FOXP2: variants seen among roughly 807,000 people sequenced by gnomAD.
The protein encoded by FOXP2 is forkhead box protein P2.
FOXP2 carries 12 observed loss-of-function variants against 115.8 expected under a neutral mutation model. The ratio of observed to expected loss-of-function variants is 0.10; its 90% CI spans 0.07 to 0.17. The LOEUF (loss-of-function observed/expected upper bound fraction) is 0.17. Among genes scored for constraint, FOXP2 ranks in the 10% least tolerant of loss-of-function variants. FOXP2 has a pLI of 1.00. For missense variants in FOXP2, 629 were observed against 843.5 expected, an observed-to-expected ratio of 0.75 and a Z score of 3.15; for synonymous variants, 328 against 297.7, an observed-to-expected ratio of 1.10 and a Z score of -1.05.
rs894967619 is a variant in FOXP2 at position 114,277,857 on chromosome 7, A to C, written c.-101-10162A>C. Among the ~76,000 whole-genome samples, 5 of 151,848 alleles carry C rather than the reference A, an allele frequency of 3.3e-5. No individual in the cohort carries two copies. In the East Asian group the frequency reaches 9.7e-4, roughly 29 times the overall value. On this transcript the variant is annotated intron_variant, in intron 1 of 17. Transcript: ENST00000634411. ...TGGTGAAACCCCGTCTCTACTAAAA[A>C]TAAAAATAAATAAATAAAAAATTAG...
chr7:114,681,392 T>TCATA (rs1247113632), intron 16 of FOXP2, among the ~76,000 whole-genome samples: 3 of 152,190 alleles, frequency 2.0e-5, no homozygotes, highest in African/African-American at 7.2e-5. Context: ...CATTATTTAG[T>TCATA]CATATTAAGT....
At chr7:114,187,429 T>G (rs1022935262) in intron 1 of FOXP2, among the ~76,000 whole-genome samples, 26 of 152,334 alleles carry the variant, frequency 1.7e-4, no homozygotes, top group African/African-American at 6.0e-4. Context: ...CAAGGATAGA[T>G]CTGTCTCAGA....
intron 1 of FOXP2, among the ~76,000 whole-genome samples, chr7:114,254,194 T>A (rs1795535160): frequency 1.3e-5 from 2 of 152,224 alleles, no homozygotes; most frequent in South Asian, 4.1e-4. Flanking sequence ...CCTTTGTGGG[T>A]AACCCGACCT....
intron 2 of FOXP2, among the ~76,000 whole-genome samples, chr7:114,495,483 C>CTCTTTTTTTTTTTTTTTTTTT (rs776653007): frequency 4.9e-5 from 3 of 61,446 alleles, no homozygotes; most frequent in African/African-American, 6.9e-5. Context: ...TTCTCTCTCT[C>CTCTTTTTTTTTTTTTTTTTTT]TTTTTTTTTT....
chr7:114,309,417 G>A (rs1467121759), intron 2 of FOXP2, among the ~76,000 whole-genome samples: 1 of 152,208 alleles, frequency 6.6e-6, no homozygotes, highest in African/African-American at 2.4e-5. Flanking sequence ...TGCAGTGGTA[G>A]CTTCTGCATC....
At chr7:114,410,788 T>C (rs1296855829), upstream of FOXP2, among the ~76,000 whole-genome samples, 1 of 152,046 alleles carries the variant, frequency 6.6e-6, no homozygotes, top group Non-Finnish European at 1.5e-5. Context: ...CTTGCATCTC[T>C]CAACTATTCT....
intron 1 of FOXP2, among the ~76,000 whole-genome samples, chr7:114,166,471 G>A (rs534121973): frequency 2.6e-5 from 4 of 152,208 alleles, no homozygotes; most frequent in East Asian, 3.9e-4. Flanking sequence ...TGGGAGTTCC[G>A]ACGTGGGCAG....
intron 1 of FOXP2, among the ~76,000 whole-genome samples, chr7:114,275,457 T>C (rs944650301): frequency 1.3e-5 from 2 of 152,232 alleles, no homozygotes; most frequent in African/African-American, 4.8e-5. Flanking sequence ...AGTTGTGTCC[T>C]GTCTACTAGT....
intron 1 of FOXP2, among the ~76,000 whole-genome samples, chr7:114,269,184 G>C (rs1399829773): frequency 6.6e-6 from 1 of 152,096 alleles, no homozygotes; most frequent in African/African-American, 2.4e-5. Context: ...TCCTCATGAA[G>C]GTATATAGCA....
intron 2 of FOXP2, among the ~76,000 whole-genome samples, chr7:114,331,660 CT>C (rs112494928): frequency 0.068 from 9,729 of 142,926 alleles, 325 homozygotes; most frequent in Middle Eastern, 0.16. Context: ...CTGACATTTT[CT>C]TTTTTTTTTT....
At chr7:114,163,538 C>T (rs896757951) in intron 1 of FOXP2, among the ~76,000 whole-genome samples, 6 of 151,972 alleles carry the variant, frequency 3.9e-5, no homozygotes, top group South Asian at 2.1e-4. Context: ...TTATTCACTC[C>T]GTGTGGTGAA....
rs1366495832 is a variant in FOXP2, at chr7:114,271,863, CATT to C, written c.-101-16153_-101-16151del. On this transcript the variant is annotated intron_variant, in intron 1 of 17. Transcript: ENST00000634411. ...AAATATTATTAAATAATTATTAAAA[CATT>C]ATAATATGATTATTAATTATAAACA... 2.0e-4 allele frequency among the ~76,000 whole-genome samples: 24 copies of C among 120,012 alleles called. No individual in the cohort carries two copies. In the South Asian group the frequency reaches 2.4e-3, roughly 12 times the overall value. 78.7% of individuals were successfully genotyped at this position (120,012 alleles called of 152,430 possible).
chr7:114,236,768 G>A (rs916527292), intron 1 of FOXP2, among the ~76,000 whole-genome samples: 1 of 152,176 alleles, frequency 6.6e-6, no homozygotes, highest in South Asian at 2.1e-4. Flanking sequence ...CTTGAGGCCA[G>A]GAGTTCAAGA....
intron 2 of FOXP2, among the ~76,000 whole-genome samples, chr7:114,353,427 G>A (rs1008822217): frequency 7.2e-6 from 1 of 138,296 alleles, no homozygotes; most frequent in African/African-American, 2.7e-5. Context: ...GGCCAGCATC[G>A]AATGAAGGAT....
At chr7:114,685,637 G>A (rs1381022787) in intron 16 of FOXP2, among the ~76,000 whole-genome samples, 1 of 152,148 alleles carries the variant, frequency 6.6e-6, no homozygotes, top group African/African-American at 2.4e-5. Flanking sequence ...AGAGATTAAA[G>A]CTGATAGTAG....
chr7:114,218,776 TA>T (rs1334858182), intron 1 of FOXP2, among the ~76,000 whole-genome samples: 1 of 152,212 alleles, frequency 6.6e-6, no homozygotes, highest in Non-Finnish European at 1.5e-5. Context: ...TTAAATTGCA[TA>T]TATTGGACAC....
intron 1 of FOXP2, among the ~76,000 whole-genome samples, chr7:114,287,003 T>G (rs182109176): frequency 6.6e-6 from 1 of 152,202 alleles, no homozygotes; most frequent in Non-Finnish European, 1.5e-5. Context: ...CCAGTCATCC[T>G]TTTCAATGCC....
At position 114,104,713 on chromosome 7, in the gene FOXP2, T is replaced by C. The variant is rs1584481254; in HGVS notation, c.-247+16875T>C. ...CTTAGAATGTTTCTTGATGTGGCAG[T>C]TGTATTCTCCCTTGCAAAATGCCTA... On this transcript the variant is annotated intron_variant, in intron 1 of 19. Transcript: ENST00000635638. 2.0e-5 allele frequency among the ~76,000 whole-genome samples: 3 copies of C among 152,148 alleles called. No individual in the cohort carries two copies. In the Middle Eastern group the frequency reaches 0.01, roughly 518 times the overall value.
chr7:114,088,631 A>C (rs1799477234), intron 1 of FOXP2, among the ~76,000 whole-genome samples: 1 of 152,248 alleles, frequency 6.6e-6, no homozygotes, highest in Non-Finnish European at 1.5e-5. Context: ...TCTGTGTTAG[A>C]GGTCAAAACT....
Sources: gnomAD v4.1 joint callset for allele counts (sites outside exome capture counted in the v4.1 genomes callset) on GRCh38, gnomAD v4.1.1 for gene constraint, MANE v1.5 for transcripts, NCBI Gene and HGNC (gene_info 2026-07-23, HGNC 2026-07-21) for gene names.